Variants in TAFA1 observed in about 807,000 individuals in gnomAD.
TAFA1 encodes the protein TAFA chemokine like family member 1.
A neutral mutation model predicts 18.5 loss-of-function variants in TAFA1; 4 were observed. The ratio of observed to expected loss-of-function variants is 0.22; its 90% CI spans 0.11 to 0.49. The LOEUF is 0.49. TAFA1 is among the 20% of genes least tolerant of loss of function. TAFA1 has a pLI of 0.98. For synonymous variants in TAFA1, 56 were observed against 55.2 expected (o/e 1.01, Z -0.06); for missense variants, 147 against 169.0 (o/e 0.87, Z 0.72).
chr3:68,080,519 A>G (rs1180268929), intron 2 of TAFA1, among the ~76,000 whole-genome samples: 1 of 151,786 alleles, frequency 6.6e-6, no homozygotes, highest in Non-Finnish European at 1.5e-5. Flanking sequence ...GTGGTGACAA[A>G]ATCTCTCAGC....
At chr3:68,357,510 A>T (rs1046049644) in intron 2 of TAFA1, among the ~76,000 whole-genome samples, 1 of 151,902 alleles carries the variant, frequency 6.6e-6, no homozygotes, top group Admixed American at 6.6e-5. Context: ...CTAGGGTAAT[A>T]GTTGTGTACT....
At chr3:68,348,081 C>A (rs925483340) in intron 2 of TAFA1, among the ~76,000 whole-genome samples, 9 of 152,122 alleles carry the variant, frequency 5.9e-5, no homozygotes, top group Admixed American at 2.0e-4. Flanking sequence ...AGCAGACACT[C>A]CTCAAGGGGT....
At chr3:68,072,519 G>T (rs2064769410) in intron 2 of TAFA1, among the ~76,000 whole-genome samples, 1 of 152,182 alleles carries the variant, frequency 6.6e-6, no homozygotes, top group Admixed American at 6.5e-5. Context: ...ACCTGCAGGA[G>T]TCCAGGTGAC....
chr3:68,466,793 T>C (rs2071894013), intron 3 of TAFA1, among the ~76,000 whole-genome samples: 1 of 152,174 alleles, frequency 6.6e-6, no homozygotes, highest in African/African-American at 2.4e-5. Context: ...TCAACGTAGG[T>C]TCTTTTCTAT....
Position 68,227,030 on chromosome 3 carries a change from A to T in TAFA1, c.119-190250A>T, listed in dbSNP as rs886834365. On this transcript the variant is annotated intron_variant, in intron 2 of 4. Coordinates refer to ENST00000478136, the MANE Select transcript of TAFA1 (RefSeq NM_213609.4). ...ATTTGGCCTCTGTCCTCTAGAGAAC[A>T]TTTACTATTATAAGGGAGCCCAGAT... is the stretch of plus-strand genomic sequence containing the variant. Among the ~76,000 whole-genome samples, 18 of 152,174 alleles carry T rather than the reference A, an allele frequency of 1.2e-4. 1 individual carries two copies.
chr3:68,061,001 G>A (rs1055493254), intron 2 of TAFA1, among the ~76,000 whole-genome samples: 13 of 152,176 alleles, frequency 8.5e-5, no homozygotes, highest in African/African-American at 1.7e-4. Flanking sequence ...CCTCTTTAGC[G>A]TGTGTGTACT....
intron 2 of TAFA1, among the ~76,000 whole-genome samples, chr3:68,285,388 A>C (rs910578655): frequency 2.5e-4 from 38 of 152,122 alleles, no homozygotes; most frequent in Non-Finnish European, 2.4e-4. Flanking sequence ...ATGAAGATAT[A>C]CTTTTAAGAT....
chr3:68,047,897 A>G (rs558206229), intron 2 of TAFA1, among the ~76,000 whole-genome samples: 41 of 152,274 alleles, frequency 2.7e-4, no homozygotes, highest in Admixed American at 1.0e-3. Context: ...GGGAGACTCA[A>G]TCACTGCAAG....
At chr3:68,540,223 T>C (rs887564488) in intron 4 of TAFA1, among the ~76,000 whole-genome samples, 1 of 152,148 alleles carries the variant, frequency 6.6e-6, no homozygotes, top group African/African-American at 2.4e-5. Flanking sequence ...TTGACCCCCT[T>C]GACCAGTAGT....
At chr3:68,039,426 T>G (rs978646666) in intron 2 of TAFA1, among the ~76,000 whole-genome samples, 1 of 152,110 alleles carries the variant, frequency 6.6e-6, no homozygotes, top group Non-Finnish European at 1.5e-5. Flanking sequence ...AATAATCAGT[T>G]TGAGTCTTTT....
At chr3:68,229,775 C>T (rs1024328700) in intron 2 of TAFA1, among the ~76,000 whole-genome samples, 2 of 152,108 alleles carry the variant, frequency 1.3e-5, no homozygotes, top group African/African-American at 4.8e-5. Flanking sequence ...AGACCTGTTT[C>T]GGATTCCAGT....
At chr3:68,047,347 A>T (rs555979576) in intron 2 of TAFA1, among the ~76,000 whole-genome samples, 1 of 152,302 alleles carries the variant, frequency 6.6e-6, no homozygotes, top group South Asian at 2.1e-4. Flanking sequence ...AATAAAGCTC[A>T]CATAAAATAT....
chr3:68,243,799 C>A (rs914668681), intron 2 of TAFA1, among the ~76,000 whole-genome samples: 3 of 152,070 alleles, frequency 2.0e-5, no homozygotes, highest in African/African-American at 7.2e-5. Flanking sequence ...GAGAGAAATA[C>A]CACAGTGTGC....
intron 2 of TAFA1, among the ~76,000 whole-genome samples, chr3:68,203,635 T>C (rs1030363616): frequency 6.6e-6 from 1 of 151,686 alleles, no homozygotes; most frequent in East Asian, 2.0e-4. Flanking sequence ...TTTCAGTTTT[T>C]TTCCTTCCCC....
intron 2 of TAFA1, among the ~76,000 whole-genome samples, chr3:68,132,191 C>G (rs1195548180): frequency 1.3e-5 from 2 of 152,156 alleles, no homozygotes; most frequent in Non-Finnish European, 2.9e-5. Context: ...TCATCCATGT[C>G]CCTGCAAAGG....
intron 2 of TAFA1, among the ~76,000 whole-genome samples, chr3:68,234,510 GA>G (rs1476086872): frequency 1.4e-4 from 22 of 152,140 alleles, no homozygotes; most frequent in Admixed American, 1.2e-3. Flanking sequence ...TGAGTGCAAT[GA>G]AAGTATAAAA....
In TAFA1 at chr3:68,498,722, CTTTTTTTTTTTTT is replaced by C. The variant is rs34030223; in HGVS notation, c.260-40011_260-39999del. 8.4e-3 allele frequency among the ~76,000 whole-genome samples: 814 copies of C among 96,950 alleles called. 17 individuals carry two copies. The highest frequency in any genetic ancestry group is 0.036 in the African/African-American group (753 of 20,814). The allele number at this position is 96,950 out of a possible 152,430, so 63.6% of individuals were successfully genotyped here. On this transcript the variant is annotated intron_variant, in intron 3 of 4. Transcript: ENST00000478136. ...AATTCCTCCCAAAGCCGTTTGGTGG[CTTTTTTTTTTTTT>C]TTTTTTTTTTTTTTTTTTTTTTGAG... is the stretch of plus-strand genomic sequence containing the variant.
At chr3:68,275,227 C>G (rs2067771533) in intron 2 of TAFA1, among the ~76,000 whole-genome samples, 1 of 151,556 alleles carries the variant, frequency 6.6e-6, no homozygotes, top group African/African-American at 2.4e-5. Context: ...AGGAGGTAAG[C>G]AAAATAAGCA....
At chr3:68,226,180 A>C (rs552273451) in intron 2 of TAFA1, among the ~76,000 whole-genome samples, 1 of 152,302 alleles carries the variant, frequency 6.6e-6, no homozygotes, top group East Asian at 1.9e-4. Flanking sequence ...TGATCAGACA[A>C]TTAAAAACAA....
Sources: gnomAD v4.1 joint callset for allele counts (sites outside exome capture counted in the v4.1 genomes callset) on GRCh38, gnomAD v4.1.1 for gene constraint, MANE v1.5 for transcripts, NCBI Gene and HGNC (gene_info 2026-07-23, HGNC 2026-07-21) for gene names.